NRG3: variants seen among roughly 807,000 people sequenced by gnomAD.
The protein encoded by NRG3 is pro-neuregulin-3, membrane-bound isoform.
NRG3 carries 31 observed loss-of-function variants against 66.9 expected under a neutral mutation model. The ratio of observed to expected loss-of-function variants is 0.46; its 90% CI spans 0.35 to 0.63. The LOEUF (loss-of-function observed/expected upper bound fraction) is 0.63. Ranked by LOEUF, NRG3 falls within the 20% of genes least tolerant of loss-of-function variation. The pLI is 0.00. For synonymous variants in NRG3, 393 were observed against 359.4 expected (o/e 1.09, Z -1.06); for missense variants, 910 against 878.9 (o/e 1.04, Z -0.45).
chr10:82,284,056 C>T (rs1020834022), intron 1 of NRG3, among the ~76,000 whole-genome samples: 3 of 152,202 alleles, frequency 2.0e-5, no homozygotes, highest in Non-Finnish European at 2.9e-5. Context: ...TGTTCCAATA[C>T]AGACTGCAAG....
intron 3 of NRG3, among the ~76,000 whole-genome samples, chr10:82,741,165 G>A (rs761888873): frequency 1.1e-4 from 17 of 152,084 alleles, no homozygotes; most frequent in African/African-American, 3.9e-4. Flanking sequence ...CCATGCACAC[G>A]TGCATTTCTT....
intron 4 of NRG3, among the ~76,000 whole-genome samples, chr10:82,927,708 G>A (rs1564637282): frequency 6.6e-6 from 1 of 152,192 alleles, no homozygotes; most frequent in Non-Finnish European, 1.5e-5. Context: ...ATTCCACAGT[G>A]TATATGTGCC....
intron 1 of NRG3, among the ~76,000 whole-genome samples, chr10:81,927,323 A>G (rs963722744): frequency 1.2e-4 from 18 of 152,236 alleles, no homozygotes; most frequent in African/African-American, 4.3e-4. Context: ...TTCTGTGTAA[A>G]GGAGAATGGT....
At chr10:81,886,744 C>T (rs1332759150) in intron 1 of NRG3, among the ~76,000 whole-genome samples, 3 of 152,024 alleles carry the variant, frequency 2.0e-5, no homozygotes, top group African/African-American at 7.2e-5. Flanking sequence ...TATTACAAAG[C>T]TATTAAATTT....
intron 1 of NRG3, among the ~76,000 whole-genome samples, chr10:82,229,399 G>T (rs541535184): frequency 1.2e-4 from 18 of 152,244 alleles, no homozygotes; most frequent in African/African-American, 4.3e-4. Flanking sequence ...TTGGGAAACA[G>T]AAATTCAGGA....
chr10:81,901,631 G>C (rs1844080862), intron 1 of NRG3, among the ~76,000 whole-genome samples: 1 of 152,052 alleles, frequency 6.6e-6, no homozygotes, highest in Non-Finnish European at 1.5e-5. Flanking sequence ...TTGCATCACT[G>C]CATTCCAGCC....
intron 1 of NRG3, among the ~76,000 whole-genome samples, chr10:81,983,084 G>T (rs1213421684): frequency 6.6e-6 from 1 of 152,120 alleles, no homozygotes; most frequent in African/African-American, 2.4e-5. Flanking sequence ...ATGCTGATGG[G>T]TTTCGGCTCT....
intron 2 of NRG3, among the ~76,000 whole-genome samples, chr10:82,430,711 T>C (rs2089749195): frequency 6.6e-6 from 1 of 152,218 alleles, no homozygotes; most frequent in African/African-American, 2.4e-5. Context: ...TAATTTTGTA[T>C]AGTTTGTGTT....
At chr10:82,127,187 C>T (rs1404357557) in intron 1 of NRG3, among the ~76,000 whole-genome samples, 1 of 152,094 alleles carries the variant, frequency 6.6e-6, no homozygotes, top group Non-Finnish European at 1.5e-5. Flanking sequence ...ACAGTCATCT[C>T]TGTTCAATGG....
In NRG3 at chr10:81,875,436, A is replaced by C; in HGVS notation, c.96A>C (p.Ala32=). 6.9e-6 allele frequency: 8 copies of C among 1,159,598 alleles called. No individual in the cohort carries two copies. Among genetic ancestry groups the C allele is most frequent in the Non-Finnish European group, 8.5e-6 (8 of 943,034 alleles). 71.8% of individuals were successfully genotyped at this position (1,159,598 alleles called of 1,614,324 possible). A position where few individuals can be genotyped will look rare whatever the true frequency, so the allele number is the denominator to read the frequency against. The part of the protein sequence containing the change: ...EEGTAAAAAA[A]AAGGGPDGGG... ...GCACCGCGGCGGCTGCGGCGGCGGC[A>C]GCGGCGGGCGGGGGCCCGGACGGCG... The change falls in exon 1 of 9, where the codon GCA becomes GCC. Residue 32 remains alanine (A), a synonymous_variant. Coordinates refer to ENST00000372141, the MANE Select transcript of NRG3 (RefSeq NM_001010848.4). The surrounding 1 kb of genome is among the most constrained non-coding windows in gnomAD (Gnocchi z 5.3).
chr10:82,462,784 G>T (rs2091580651), intron 2 of NRG3, among the ~76,000 whole-genome samples: 1 of 152,288 alleles, frequency 6.6e-6, no homozygotes, highest in African/African-American at 2.4e-5. Flanking sequence ...TAGTAAATCT[G>T]ATTTGAGTTT....
chr10:82,315,730 G>A lies in NRG3; in HGVS notation c.824-43009G>A, dbSNP rs562250606. ...GCCGAGGCTGGAGTGCAGTGGCACC[G>A]TGTCGGCTCGCTGCAACCTCCGTCT... is the stretch of plus-strand genomic sequence containing the variant. On this transcript the variant is annotated intron_variant, in intron 1 of 8. Transcript: ENST00000372141. Among the ~76,000 whole-genome samples the A allele has an allele frequency of 1.1e-4, 17 of 148,624 alleles. No individual in the cohort carries two copies. The East Asian group carries it at 1.4e-3, about 12-fold the overall frequency.
At chr10:82,500,210 T>C (rs899511186) in intron 2 of NRG3, among the ~76,000 whole-genome samples, 4 of 152,172 alleles carry the variant, frequency 2.6e-5, no homozygotes, top group Admixed American at 6.5e-5. Context: ...AGAATGACCA[T>C]TACCCTGAAA....
chr10:82,879,958 C>CTTTTTTTT (rs35159008), intron 4 of NRG3, among the ~76,000 whole-genome samples: 4 of 78,436 alleles, frequency 5.1e-5, no homozygotes, highest in African/African-American at 1.1e-4. Context: ...GATTTCATCC[C>CTTTTTTTT]TTTTTTTTTT....
At chr10:81,992,593 AG>A (rs1179439397) in intron 1 of NRG3, among the ~76,000 whole-genome samples, 1 of 152,238 alleles carries the variant, frequency 6.6e-6, no homozygotes, top group African/African-American at 2.4e-5. Context: ...TTGCAAATAC[AG>A]ATTTCAGCAA....
chr10:82,741,392 T>C (rs2644202), intron 3 of NRG3, among the ~76,000 whole-genome samples: 132,172 of 152,228 alleles, frequency 0.87, 57,548 homozygotes, highest in African/African-American at 0.91. Flanking sequence ...TGATTCGGCT[T>C]CCAGGCCTCA....
chr10:82,446,437 A>G (rs1247202933), intron 2 of NRG3, among the ~76,000 whole-genome samples: 1 of 152,204 alleles, frequency 6.6e-6, no homozygotes, highest in Admixed American at 6.5e-5. Context: ...CATATACACC[A>G]TGGAATACTA....
intron 3 of NRG3, among the ~76,000 whole-genome samples, chr10:82,834,492 A>C (rs2062681580): frequency 6.6e-6 from 1 of 152,188 alleles, no homozygotes; most frequent in Non-Finnish European, 1.5e-5. Flanking sequence ...ATTGCAAATA[A>C]AGACGGCCAA....
intron 2 of NRG3, among the ~76,000 whole-genome samples, chr10:82,417,805 G>A (rs889061248): frequency 5.9e-5 from 9 of 152,138 alleles, no homozygotes; most frequent in East Asian, 3.9e-4. Context: ...GCTAGAGAGC[G>A]GGCTCCCAGG....
Sources: gnomAD v4.1 joint callset for allele counts (sites outside exome capture counted in the v4.1 genomes callset) on GRCh38, gnomAD v4.1.1 for gene constraint, Gnocchi (gnomAD v3.1) non-coding constraint, MANE v1.5 for transcripts, NCBI Gene and HGNC (gene_info 2026-07-23, HGNC 2026-07-21) for gene names.